The following OXR1 variants were observed in gnomAD, a reference collection of about 807,000 sequenced individuals.
OXR1 encodes the protein oxidation resistance protein 1.
A neutral mutation model predicts 104.6 loss-of-function variants in OXR1; 41 were observed. That is an observed-to-expected ratio of 0.39 (90% CI 0.31 to 0.51). The LOEUF (loss-of-function observed/expected upper bound fraction) is 0.51. OXR1 is among the 20% of genes least tolerant of loss of function. The pLI, the probability that OXR1 is intolerant of heterozygous loss-of-function variation, is 0.77. For missense variants in OXR1, 955 were observed against 1,031.9 expected, an observed-to-expected ratio of 0.93 and a Z score of 1.02; for synonymous variants, 348 against 348.4, an observed-to-expected ratio of 1.00 and a Z score of 0.01.
Position 106,683,201 on chromosome 8 carries a change from T to C in OXR1, c.306T>C (p.Val102=). 6.7e-7 allele frequency: 1 copy of C among 1,502,596 alleles called. No individual in the cohort carries two copies. The highest frequency in any genetic ancestry group is 9.2e-7 in the Non-Finnish European group (1 of 1,083,500). The allele number at this position is 1,502,596 out of a possible 1,614,324, so 93.1% of individuals were successfully genotyped here. Residue 102 remains valine, a splice_region_variant and synonymous_variant, in exon 5 of 17, where the codon GTT becomes GTC. Coordinates refer to ENST00000517566, the MANE Select transcript of OXR1 (RefSeq NM_001198533.2). ...QKPKGTIEYT[V]ESRDSLNSIA... is the part of the protein sequence containing the mutation. ...AATTTATTTTTTCTTTTAAACAGGT[T>C]GAATCAAGGGATTCTTTGAATAGCA...
At chr8:106,709,939 A>G (rs1488447069) in intron 9 of OXR1, among the ~76,000 whole-genome samples, 1 of 152,118 alleles carries the variant, frequency 6.6e-6, no homozygotes, top group African/African-American at 2.4e-5. Flanking sequence ...AAAAGCCATG[A>G]TGAGTACCCA....
At chr8:106,726,251 G>T in intron 11 of OXR1, 1 of 1,527,386 alleles carries the variant, frequency 6.5e-7, no homozygotes, top group African/African-American at 1.4e-5. Flanking sequence ...GAAATGTCTC[G>T]TCTCTGGTAT....
In OXR1 at chr8:106,658,157, C is replaced by T; in HGVS notation, c.221-21053C>T. The T allele has an allele frequency of 2.4e-6, 3 of 1,244,980 alleles. No homozygotes were observed. In the African/African-American group the frequency reaches 4.6e-5, roughly 19 times the overall value. The allele number at this position is 1,244,980 out of a possible 1,614,324, so 77.1% of individuals were successfully genotyped here. ...GGTGCGGGTCCCCGCCCCACCGGCCCCCGGCGCCGTCCAGCCCGGAGGGAC... is the reference window on the plus strand; with the variant it reads ...GGTGCGGGTCCCCGCCCCACCGGCCTCCGGCGCCGTCCAGCCCGGAGGGAC... On this transcript the variant is annotated intron_variant, in intron 3 of 16. Coordinates refer to ENST00000517566, the MANE Select transcript of OXR1 (RefSeq NM_001198533.2).
intron 3 of OXR1, among the ~76,000 whole-genome samples, chr8:106,609,487 CT>C (rs1352960674): frequency 1.3e-5 from 2 of 152,116 alleles, no homozygotes; most frequent in African/African-American, 4.8e-5. Flanking sequence ...AAACCTATTA[CT>C]TTTTTATCGG....
intron 2 of OXR1, among the ~76,000 whole-genome samples, chr8:106,515,728 G>A (rs948405402): frequency 9.9e-5 from 15 of 152,050 alleles, no homozygotes; most frequent in African/African-American, 3.6e-4. Flanking sequence ...GTAGCTTTTA[G>A]CTCTAGTCTG....
intron 2 of OXR1, among the ~76,000 whole-genome samples, chr8:106,363,397 C>T (rs1195128541): frequency 6.6e-6 from 1 of 152,132 alleles, no homozygotes; most frequent in African/African-American, 2.4e-5. Flanking sequence ...TACAAATACA[C>T]CTCTTGCATT....
At chr8:106,277,495 CTG>C (rs1812097798) in intron 1 of OXR1, among the ~76,000 whole-genome samples, 1 of 152,172 alleles carries the variant, frequency 6.6e-6, no homozygotes, top group Admixed American at 6.5e-5. Flanking sequence ...TTAGTTCCAA[CTG>C]TTTTACTCTC....
rs1229942921 is a variant in OXR1, at chr8:106,283,985, T to TA, written c.-139+13620dup. On this transcript the variant is annotated intron_variant, in intron 1 of 16. Coordinates refer to ENST00000517566, the MANE Select transcript of OXR1 (RefSeq NM_001198533.2). ...TTAGGTTGCATGAAACTTTTTTTTTTAACCCTTTGACCAGCCTCTTCCCAA... is the reference window on the plus strand; with the variant it reads ...TTAGGTTGCATGAAACTTTTTTTTTTAAACCCTTTGACCAGCCTCTTCCCAA... Among the ~76,000 whole-genome samples, 7 of 152,136 alleles carry TA rather than the reference T, an allele frequency of 4.6e-5. 1 individual carries two copies. The highest frequency in any genetic ancestry group is 1.3e-4 in the Admixed American group (2 of 15,260).
At chr8:106,473,023 A>T (rs1312952503) in intron 2 of OXR1, among the ~76,000 whole-genome samples, 1 of 151,928 alleles carries the variant, frequency 6.6e-6, no homozygotes, top group Non-Finnish European at 1.5e-5. Flanking sequence ...TGTAGTATAA[A>T]ATCTGCCTTT....
At chr8:106,390,991 T>C (rs138813324) in intron 2 of OXR1, among the ~76,000 whole-genome samples, 1 of 152,332 alleles carries the variant, frequency 6.6e-6, no homozygotes, top group East Asian at 1.9e-4. Flanking sequence ...TTCAGTGTTA[T>C]TAAATTAAAG....
intron 7 of OXR1, among the ~76,000 whole-genome samples, chr8:106,701,682 A>G (rs1481540704): frequency 6.6e-6 from 1 of 152,242 alleles, no homozygotes; most frequent in Non-Finnish European, 1.5e-5. Flanking sequence ...GAGGAATTAT[A>G]TATAGCATAA....
At chr8:106,606,435 A>T (rs983554530) in intron 3 of OXR1, among the ~76,000 whole-genome samples, 1 of 150,490 alleles carries the variant, frequency 6.6e-6, no homozygotes, top group Non-Finnish European at 1.5e-5. Flanking sequence ...TTAGTAGCTG[A>T]GATTACAGGC....
chr8:106,612,506 A>G (rs1820891010), intron 3 of OXR1, among the ~76,000 whole-genome samples: 1 of 152,042 alleles, frequency 6.6e-6, no homozygotes, highest in Non-Finnish European at 1.5e-5. Context: ...CTCAAAACTC[A>G]TTTCTTATTA....
chr8:106,281,704 AG>A (rs562441450), intron 1 of OXR1, among the ~76,000 whole-genome samples: 256 of 149,128 alleles, frequency 1.7e-3, no homozygotes, highest in Middle Eastern at 6.9e-3. Context: ...GGAGGCTGAG[AG>A]AGGAGAATCG....
At chr8:106,623,281 G>C (rs1037081093) in intron 3 of OXR1, among the ~76,000 whole-genome samples, 40 of 151,918 alleles carry the variant, frequency 2.6e-4, no homozygotes, top group African/African-American at 9.7e-4. Flanking sequence ...GTAAAAAAAA[G>C]TATGAGACCT....
intron 1 of OXR1, among the ~76,000 whole-genome samples, chr8:106,278,406 A>G (rs930040316): frequency 1.3e-5 from 2 of 152,102 alleles, no homozygotes; most frequent in Admixed American, 1.3e-4. Context: ...TCATCTACAT[A>G]CCAAATTACA....
chr8:106,712,914 A>G (rs930516976), intron 10 of OXR1, among the ~76,000 whole-genome samples: 11 of 151,962 alleles, frequency 7.2e-5, no homozygotes, highest in Non-Finnish European at 1.6e-4. Context: ...TCCCTATTTT[A>G]ATATTCATTC....
intron 1 of OXR1, among the ~76,000 whole-genome samples, chr8:106,337,233 A>T (rs1425269923): frequency 6.6e-6 from 1 of 152,208 alleles, no homozygotes; most frequent in African/African-American, 2.4e-5. Context: ...ATTATTATGA[A>T]AAAATAATTC....
intron 3 of OXR1, among the ~76,000 whole-genome samples, chr8:106,542,904 G>A (rs1815066994): frequency 6.6e-6 from 1 of 152,100 alleles, no homozygotes; most frequent in South Asian, 2.1e-4. Flanking sequence ...TAAATAGATA[G>A]TTTGTGTCAA....
Sources: gnomAD v4.1 joint callset for allele counts (sites outside exome capture counted in the v4.1 genomes callset) on GRCh38, gnomAD v4.1.1 for gene constraint, MANE v1.5 for transcripts, NCBI Gene and HGNC (gene_info 2026-07-23, HGNC 2026-07-21) for gene names.